Variants in KIAA1549L observed in about 807,000 individuals in gnomAD.
KIAA1549L encodes the protein KIAA1549 like.
Under a neutral mutation model 160.7 loss-of-function variants are expected in KIAA1549L, and 88 were observed. The ratio of observed to expected loss-of-function variants is 0.55; its 90% CI spans 0.46 to 0.65. The LOEUF is 0.65. Ranked by LOEUF, KIAA1549L falls within the 30% of genes least tolerant of loss-of-function variation. The pLI, the probability that KIAA1549L is intolerant of heterozygous loss-of-function variation, is 0.00. For missense variants in KIAA1549L, 2,258 were observed against 2,437.5 expected (o/e 0.93, Z 1.55); for synonymous variants, 950 against 976.7 (o/e 0.97, Z 0.51).
chr11:33,668,223 C>A lies in KIAA1549L; in HGVS notation c.*69C>A. 7.0e-7 allele frequency: 1 copy of A among 1,437,186 alleles called. No individual in the cohort carries two copies. The highest frequency in any genetic ancestry group is 9.5e-7 in the Non-Finnish European group (1 of 1,049,582). The allele number at this position is 1,437,186 out of a possible 1,614,324, so 89.0% of individuals were successfully genotyped here. On this transcript the variant is annotated 3_prime_UTR_variant, in exon 21 of 21. Transcript: ENST00000658780. Reference sequence around the variant, plus strand: ...TCAGCCTTTGGGTTTCCCATGCCTACGTGTTAGGACTTGAGACATAGCAAT... The same window carrying A: ...TCAGCCTTTGGGTTTCCCATGCCTAAGTGTTAGGACTTGAGACATAGCAAT...
intron 17 of KIAA1549L, among the ~76,000 whole-genome samples, chr11:33,654,364 CTTGT>C (rs1851990280): frequency 6.6e-6 from 1 of 152,186 alleles, no homozygotes; most frequent in South Asian, 2.1e-4. Context: ...AGGTCTGAAT[CTTGT>C]TTGTTTTTTC....
chr11:33,436,491 C>T (rs1325084786), intron 1 of KIAA1549L, among the ~76,000 whole-genome samples: 5 of 152,218 alleles, frequency 3.3e-5, no homozygotes, highest in African/African-American at 1.2e-4. Context: ...TGGGGGAGGG[C>T]AGTCTGCTTT....
chr11:33,601,053 T>TAA (rs1850347944), intron 13 of KIAA1549L, among the ~76,000 whole-genome samples: 1 of 152,170 alleles, frequency 6.6e-6, no homozygotes, highest in Non-Finnish European at 1.5e-5. Context: ...TCACTTTGAC[T>TAA]ATTTAAATAT....
chr11:33,517,127 C>T (rs920960319), intron 1 of KIAA1549L, among the ~76,000 whole-genome samples: 11 of 152,180 alleles, frequency 7.2e-5, no homozygotes, highest in African/African-American at 2.4e-4. Flanking sequence ...ATTGTTTCCT[C>T]GATGACGATG....
At chr11:33,397,572 C>T (rs1466137954) in intron 1 of KIAA1549L, among the ~76,000 whole-genome samples, 9 of 151,492 alleles carry the variant, frequency 5.9e-5, no homozygotes, top group Non-Finnish European at 1.2e-4. Flanking sequence ...ATTAGCCGGA[C>T]GTGGTGGCGG....
At chr11:33,573,413 C>T (rs1419906958) in intron 9 of KIAA1549L, among the ~76,000 whole-genome samples, 1 of 152,086 alleles carries the variant, frequency 6.6e-6, no homozygotes, top group Non-Finnish European at 1.5e-5. Context: ...TTTTGCTTAA[C>T]TTTTAACTTT....
intron 1 of KIAA1549L, among the ~76,000 whole-genome samples, chr11:33,529,570 G>A (rs1293546855): frequency 1.3e-5 from 2 of 152,138 alleles, no homozygotes; most frequent in Non-Finnish European, 1.5e-5. Context: ...ACACAGAGAG[G>A]TCATGTAACT....
rs114906615 is a variant in KIAA1549L at position 33,662,307 on chromosome 11, G to A, written c.6159+1293G>A. ...CATCTAGTAATATGCCCACCCTTAA[G>A]TGTGCTTTGCATCATGTGCCATTAT... On this transcript the variant is annotated intron_variant, in intron 20 of 20. Transcript: ENST00000658780. 6.1e-4 allele frequency among the ~76,000 whole-genome samples: 93 copies of A among 152,178 alleles called. 1 individual carries two copies. The highest frequency in any genetic ancestry group is 2.2e-3 in the African/African-American group (91 of 41,526).
At chr11:33,559,413 T>C (rs1854762275) in intron 6 of KIAA1549L, among the ~76,000 whole-genome samples, 1 of 152,214 alleles carries the variant, frequency 6.6e-6, no homozygotes, top group Non-Finnish European at 1.5e-5. Flanking sequence ...GTTCAAATCC[T>C]GAGTCTATCC....
chr11:33,477,520 A>AC (rs1554981526), intron 1 of KIAA1549L, among the ~76,000 whole-genome samples: 7,658 of 146,938 alleles, frequency 0.052, 368 homozygotes, highest in African/African-American at 0.13. Context: ...CACACACACA[A>AC]ACACACACAC....
chr11:33,385,737 C>A (rs759859168), intron 1 of KIAA1549L, among the ~76,000 whole-genome samples: 7 of 151,402 alleles, frequency 4.6e-5, no homozygotes, highest in African/African-American at 9.7e-5. Context: ...AGATCTCTAT[C>A]TTAACAGTGT....
In KIAA1549L at chr11:33,408,510, T is replaced by TATATATATATATAC. The variant is rs58439063; in HGVS notation, c.238+31622_238+31623insTATATATATATACA. Reference sequence around the variant, plus strand: ...ATGTGTATATATATATATATATATATACACATGTATATATGTATACAGAAA... The same window carrying TATATATATATATAC: ...ATGTGTATATATATATATATATATATATATATATATATACACACATGTATATATGTATACAGAAA... On this transcript the variant is annotated intron_variant, in intron 1 of 20. Transcript: ENST00000658780. Among the ~76,000 whole-genome samples the TATATATATATATAC allele has an allele frequency of 9.1e-3, 1,322 of 145,918 alleles. 8 individuals carry two copies. Among genetic ancestry groups the TATATATATATATAC allele is most frequent in the African/African-American group, 0.019 (748 of 39,036 alleles).
At chr11:33,407,106 A>T (rs1565123776) in intron 1 of KIAA1549L, among the ~76,000 whole-genome samples, 1 of 65,728 alleles carries the variant, frequency 1.5e-5, no homozygotes, top group African/African-American at 6.8e-5. Context: ...TTTTTTTGAG[A>T]CGGAGTCTCG....
intron 1 of KIAA1549L, among the ~76,000 whole-genome samples, chr11:33,520,684 A>AACACACACAC (rs60029190): frequency 0.01 from 882 of 84,770 alleles, 29 homozygotes; most frequent in African/African-American, 0.015. Flanking sequence ...CCCCACCCCC[A>AACACACACAC]ACACACACAC....
intron 16 of KIAA1549L, among the ~76,000 whole-genome samples, chr11:33,623,542 C>T (rs1228274731): frequency 6.6e-6 from 1 of 152,156 alleles, no homozygotes; most frequent in African/African-American, 2.4e-5. Context: ...AATATCTGCT[C>T]ATGGGAAATC....
intron 13 of KIAA1549L, among the ~76,000 whole-genome samples, chr11:33,603,602 T>G (rs1850420084): frequency 6.6e-6 from 1 of 151,038 alleles, no homozygotes; most frequent in Non-Finnish European, 1.5e-5. Flanking sequence ...AGGTCAGGAG[T>G]TCGAGACCAG....
intron 20 of KIAA1549L, among the ~76,000 whole-genome samples, chr11:33,666,767 T>A (rs1852470137): frequency 6.6e-6 from 1 of 152,252 alleles, no homozygotes; most frequent in South Asian, 2.1e-4. Context: ...CAAGACGTTG[T>A]AATGCAGTGA....
intron 15 of KIAA1549L, among the ~76,000 whole-genome samples, chr11:33,614,572 ATATATATATATAT>A (rs1850751909): frequency 5.4e-4 from 8 of 14,880 alleles, no homozygotes; most frequent in African/African-American, 2.5e-3. Flanking sequence ...ATATATATAT[ATATATATATATAT>A]TTTTTTTTTT....
rs371696379 is a variant in KIAA1549L at position 33,538,394 on chromosome 11, G to C, written c.239-3408G>C. On this transcript the variant is annotated intron_variant, in intron 1 of 20. Coordinates refer to ENST00000658780, the MANE Select transcript of KIAA1549L (RefSeq NM_012194.3). ...TCTCCTCACTCCAGTGTGCAAATGG[G>C]GACTCTCCCTTTATTAACCGTTTTC... 1.1e-4 allele frequency among the ~76,000 whole-genome samples: 16 copies of C among 152,110 alleles called. No individual in the cohort carries two copies. The South Asian group carries it at 3.3e-3, about 32-fold the overall frequency.
Sources: gnomAD v4.1 joint callset for allele counts (sites outside exome capture counted in the v4.1 genomes callset) on GRCh38, gnomAD v4.1.1 for gene constraint, MANE v1.5 for transcripts, NCBI Gene and HGNC (gene_info 2026-07-23, HGNC 2026-07-21) for gene names.